KAZN: variants seen among roughly 807,000 people sequenced by gnomAD.
The protein encoded by KAZN is kazrin.
KAZN carries 40 observed loss-of-function variants against 87.4 expected under a neutral mutation model. That is an observed-to-expected ratio of 0.46 (90% CI 0.36 to 0.60). The LOEUF (loss-of-function observed/expected upper bound fraction) is 0.60, where lower values mean the gene tolerates loss of function less well. KAZN is among the 20% of genes least tolerant of loss of function. KAZN has a pLI of 0.00. For synonymous variants in KAZN, 466 were observed against 458.3 expected (o/e 1.02, Z -0.22); for missense variants, 898 against 1,073.9 (o/e 0.84, Z 2.29).
rs941803390 is a variant in KAZN, at chr1:14,996,619, G to A, written c.418+35744G>A. ...GTTTCTGCCGCCAGCACCCTCCCACGGGCGTGCAGATCTGACAAGATCAGG... is the reference window on the plus strand; with the variant it reads ...GTTTCTGCCGCCAGCACCCTCCCACAGGCGTGCAGATCTGACAAGATCAGG... On this transcript the variant is annotated intron_variant, in intron 2 of 14. Coordinates refer to ENST00000376030, the MANE Select transcript of KAZN (RefSeq NM_201628.3). The surrounding 1 kb of genome is among the most constrained non-coding windows in gnomAD (Gnocchi z 5.9). Among the ~76,000 whole-genome samples the A allele has an allele frequency of 1.3e-5, 2 of 152,190 alleles. No individual in the cohort carries two copies. Among genetic ancestry groups the A allele is most frequent in the Admixed American group, 6.5e-5 (1 of 15,284 alleles).
chr1:14,982,555 C>T (rs1178072853), intron 2 of KAZN, among the ~76,000 whole-genome samples: 1 of 151,704 alleles, frequency 6.6e-6, no homozygotes, highest in African/African-American at 2.4e-5. Flanking sequence ...TCAGCCTCCC[C>T]AGCAGCTGGG....
At chr1:13,951,808 C>A (rs1325969451) in intron 1 of KAZN, among the ~76,000 whole-genome samples, 2 of 152,172 alleles carry the variant, frequency 1.3e-5, no homozygotes, top group African/African-American at 4.8e-5. Flanking sequence ...TTCCCACCCC[C>A]TTACCACCCA....
intron 2 of KAZN, among the ~76,000 whole-genome samples, chr1:14,504,045 C>T (rs1016205174): frequency 6.6e-6 from 1 of 152,200 alleles, no homozygotes; most frequent in Non-Finnish European, 1.5e-5. Context: ...AATTTTCACA[C>T]CTCCTTAAAT....
At chr1:14,633,612 G>A (rs1238057038) in intron 1 of KAZN, among the ~76,000 whole-genome samples, 2 of 152,134 alleles carry the variant, frequency 1.3e-5, no homozygotes, top group Admixed American at 6.5e-5. Flanking sequence ...GTTCCTCGAA[G>A]CCGCTAAGTT....
intron 4 of KAZN, among the ~76,000 whole-genome samples, chr1:15,050,015 T>C (rs531951931): frequency 1.6e-5 from 2 of 126,532 alleles, no homozygotes; most frequent in East Asian, 8.9e-4. Flanking sequence ...TGAGACTCCA[T>C]CAGAGTAGAG....
In KAZN at chr1:14,934,913, G is replaced by A. The variant is rs1323405019; in HGVS notation, c.227-25771G>A. On this transcript the variant is annotated intron_variant, in intron 1 of 14. Coordinates refer to ENST00000376030, the MANE Select transcript of KAZN (RefSeq NM_201628.3). ...CATGAGCGTTCCCTGCTGCCCAACA[G>A]CTTCAAACATCCCAGGCTGAGGGTC... 4.6e-5 allele frequency among the ~76,000 whole-genome samples: 7 copies of A among 152,368 alleles called. No homozygotes were observed. In the East Asian group the frequency reaches 1.3e-3, roughly 29 times the overall value.
chr1:14,423,558 C>G (rs1402268219), intron 2 of KAZN, among the ~76,000 whole-genome samples: 2 of 152,074 alleles, frequency 1.3e-5, no homozygotes, highest in Non-Finnish European at 2.9e-5. Context: ...ATGCAATAGC[C>G]GTGATAATAC....
At chr1:13,915,681 G>A (rs2100883849) in intron 1 of KAZN, among the ~76,000 whole-genome samples, 1 of 152,360 alleles carries the variant, frequency 6.6e-6, no homozygotes. Flanking sequence ...GAAGGAGGAA[G>A]CATGAGAGAG....
At chr1:14,132,635 C>T (rs1339780487) in intron 1 of KAZN, among the ~76,000 whole-genome samples, 1 of 152,182 alleles carries the variant, frequency 6.6e-6, no homozygotes, top group African/African-American at 2.4e-5. Context: ...GCAAAATCAA[C>T]AAGCATTCAC....
intron 2 of KAZN, among the ~76,000 whole-genome samples, chr1:14,345,774 C>T (rs537110019): frequency 5.9e-5 from 9 of 152,286 alleles, no homozygotes; most frequent in Non-Finnish European, 1.2e-4. Context: ...GTGATGCCGA[C>T]ACTGCCAGTC....
At chr1:14,747,202 G>A (rs939254259) in intron 1 of KAZN, among the ~76,000 whole-genome samples, 11 of 152,118 alleles carry the variant, frequency 7.2e-5, no homozygotes, top group Admixed American at 5.9e-4. Flanking sequence ...TTCCATTGTG[G>A]TGTGTATGTG....
At chr1:14,940,122 G>C (rs1660884938) in intron 1 of KAZN, among the ~76,000 whole-genome samples, 1 of 152,216 alleles carries the variant, frequency 6.6e-6, no homozygotes, top group Non-Finnish European at 1.5e-5. Flanking sequence ...GCCTCTGTAA[G>C]AGTGGGCGGG....
intron 1 of KAZN, among the ~76,000 whole-genome samples, chr1:14,750,869 G>T (rs528729440): frequency 2.0e-5 from 3 of 152,176 alleles, no homozygotes; most frequent in Non-Finnish European, 2.9e-5. Context: ...CCAGAAATAC[G>T]CAACAGATTC....
chr1:14,748,226 A>G (rs1490681307), intron 1 of KAZN, among the ~76,000 whole-genome samples: 2 of 152,236 alleles, frequency 1.3e-5, no homozygotes, highest in East Asian at 3.8e-4. Context: ...ATCTTTTAAT[A>G]AAAATGAATC....
At chr1:14,868,041 C>T (rs1572688465) in intron 1 of KAZN, among the ~76,000 whole-genome samples, 2 of 79,064 alleles carry the variant, frequency 2.5e-5, no homozygotes, top group Admixed American at 1.1e-4. Context: ...CATCGCATAG[C>T]ATGGCATCAC....
chr1:14,056,856 C>T (rs183755630), intron 1 of KAZN, among the ~76,000 whole-genome samples: 20 of 152,090 alleles, frequency 1.3e-4, no homozygotes, highest in East Asian at 9.8e-4. Context: ...ATGTAGACAA[C>T]AAACAAACAG....
At chr1:14,526,972 A>C (rs1051910124) in intron 2 of KAZN, among the ~76,000 whole-genome samples, 2 of 152,204 alleles carry the variant, frequency 1.3e-5, no homozygotes, top group African/African-American at 4.8e-5. Flanking sequence ...CCTATGCCTA[A>C]ATTCAATCCT....
intron 2 of KAZN, among the ~76,000 whole-genome samples, chr1:14,212,107 G>A (rs141025488): frequency 2.0e-5 from 3 of 152,222 alleles, no homozygotes; most frequent in South Asian, 2.1e-4. Flanking sequence ...TGTTTGCTGC[G>A]AATGTTTTGG....
chr1:13,967,230 G>C (rs575790782), intron 1 of KAZN, among the ~76,000 whole-genome samples: 2 of 152,310 alleles, frequency 1.3e-5, no homozygotes, highest in African/African-American at 4.8e-5. Context: ...CCTAACTGTG[G>C]TTGGCTGTCT....
Sources: gnomAD v4.1 joint callset for allele counts (sites outside exome capture counted in the v4.1 genomes callset) on GRCh38, gnomAD v4.1.1 for gene constraint, Gnocchi (gnomAD v3.1) non-coding constraint, MANE v1.5 for transcripts, NCBI Gene and HGNC (gene_info 2026-07-23, HGNC 2026-07-21) for gene names.